SPOCK3: variants seen among roughly 807,000 people sequenced by gnomAD.
SPOCK3 encodes the protein testican-3.
In SPOCK3, 30 loss-of-function variants were observed where a neutral mutation model predicts 56.6. The observed-to-expected ratio is 0.53, with a 90% CI of 0.40 to 0.72. The LOEUF is 0.72. Ranked by LOEUF, SPOCK3 falls within the 30% of genes least tolerant of loss-of-function variation. The pLI is 0.00. For synonymous variants in SPOCK3, 196 were observed against 183.3 expected (o/e 1.07, Z -0.56); for missense variants, 527 against 530.0 (o/e 0.99, Z 0.06).
chr4:166,832,663 C>T (rs72697528), intron 6 of SPOCK3, among the ~76,000 whole-genome samples: 7,266 of 152,178 alleles, frequency 0.048, 242 homozygotes, highest in Middle Eastern at 0.065. Context: ...ACCTAGAGAT[C>T]CATCAATAGT....
intron 3 of SPOCK3, among the ~76,000 whole-genome samples, chr4:167,054,358 T>C (rs1170422276): frequency 6.6e-6 from 1 of 152,242 alleles, no homozygotes; most frequent in Non-Finnish European, 1.5e-5. Flanking sequence ...CATTGATTAA[T>C]TGTTTAAAAT....
intron 2 of SPOCK3, among the ~76,000 whole-genome samples, chr4:167,109,365 T>TATATATATTTATATAAAATATATAA (rs1355700587): frequency 1.3e-5 from 1 of 74,176 alleles, no homozygotes; most frequent in Non-Finnish European, 2.3e-5. Flanking sequence ...TATATATTTA[T>TATATATATTTATATAAAATATATAA]ATATATATTT....
At chr4:167,028,541 G>A (rs1751945492) in intron 3 of SPOCK3, among the ~76,000 whole-genome samples, 1 of 151,920 alleles carries the variant, frequency 6.6e-6, no homozygotes, top group Non-Finnish European at 1.5e-5. Context: ...TGCCATTCTT[G>A]GCAGCAAGCT....
rs568012668 is a variant in SPOCK3 at position 166,891,649 on chromosome 4, T to G, written c.475-2405A>C. On this transcript the variant is annotated intron_variant, in intron 5 of 10. Coordinates refer to ENST00000357545, the MANE Select transcript of SPOCK3 (RefSeq NM_001040159.2). ...TGTAATTTAAAAGTCCAAAATCTAT[T>G]CGAAGGTAGACATAAATAGTTAAGC... 2.0e-5 allele frequency among the ~76,000 whole-genome samples: 3 copies of G among 152,164 alleles called. No homozygotes were observed. The South Asian group carries it at 6.2e-4, about 31-fold the overall frequency.
intron 6 of SPOCK3, chr4:166,883,007 G>T (rs190892633): frequency 6.6e-6 from 1 of 152,166 alleles, no homozygotes; most frequent in Admixed American, 6.5e-5. Context: ...TAGTTACGGA[G>T]AAGCATGCAT....
At chr4:167,037,494 G>GA (rs34198420) in intron 3 of SPOCK3, among the ~76,000 whole-genome samples, 61,030 of 141,352 alleles carry the variant, frequency 0.43, 14,601 homozygotes, top group East Asian at 0.81. Flanking sequence ...AAAAGAAGAA[G>GA]AAAAAAAAAA....
intron 6 of SPOCK3, among the ~76,000 whole-genome samples, chr4:166,816,071 G>C (rs1744348495): frequency 6.6e-6 from 1 of 152,012 alleles, no homozygotes; most frequent in African/African-American, 2.4e-5. Flanking sequence ...CCTCTATTAA[G>C]ATAAAGTAAT....
At chr4:167,002,648 T>G (rs1230336699) in intron 3 of SPOCK3, among the ~76,000 whole-genome samples, 1 of 152,186 alleles carries the variant, frequency 6.6e-6, no homozygotes, top group South Asian at 2.1e-4. Context: ...TTGTTCACTA[T>G]GCAAATGTAA....
At chr4:167,158,329 T>A (rs1764986055) in intron 2 of SPOCK3, among the ~76,000 whole-genome samples, 2 of 152,002 alleles carry the variant, frequency 1.3e-5, no homozygotes, top group South Asian at 4.1e-4. Context: ...GTTTTAAACA[T>A]AATTATTTAA....
chr4:166,997,306 C>T (rs137856737), intron 4 of SPOCK3, among the ~76,000 whole-genome samples: 136 of 151,930 alleles, frequency 9.0e-4, no homozygotes, highest in African/African-American at 2.8e-3. Context: ...ACATGTATCC[C>T]GGAACTTAAA....
intron 7 of SPOCK3, among the ~76,000 whole-genome samples, chr4:166,788,389 A>G (rs1044948261): frequency 1.3e-5 from 2 of 152,156 alleles, no homozygotes; most frequent in African/African-American, 2.4e-5. Flanking sequence ...CTCAATCACT[A>G]TCTAATCTAA....
intron 3 of SPOCK3, among the ~76,000 whole-genome samples, chr4:167,058,502 G>T (rs1411820459): frequency 6.6e-6 from 1 of 152,086 alleles, no homozygotes; most frequent in Non-Finnish European, 1.5e-5. Context: ...AATAAAAGAG[G>T]ATACAAACAA....
chr4:167,003,530 T>A (rs1273961550), intron 3 of SPOCK3, among the ~76,000 whole-genome samples: 2 of 152,216 alleles, frequency 1.3e-5, no homozygotes, highest in African/African-American at 4.8e-5. Context: ...CGGATTAGAA[T>A]CAATCCTCTG....
intron 2 of SPOCK3, among the ~76,000 whole-genome samples, chr4:167,078,554 T>C (rs1180683856): frequency 6.6e-6 from 1 of 151,754 alleles, no homozygotes; most frequent in East Asian, 1.9e-4. Context: ...GTATGCATTC[T>C]GGAAAAATCA....
intron 3 of SPOCK3, among the ~76,000 whole-genome samples, chr4:167,051,358 T>G (rs909585465): frequency 2.6e-5 from 4 of 152,222 alleles, no homozygotes; most frequent in African/African-American, 9.6e-5. Context: ...CAGAGTTTTT[T>G]CAATCTTAAT....
intron 6 of SPOCK3, among the ~76,000 whole-genome samples, chr4:166,815,183 C>T (rs1175953880): frequency 6.6e-6 from 1 of 151,750 alleles, no homozygotes; most frequent in African/African-American, 2.4e-5. Context: ...AAACTAAGAT[C>T]TAACTGATGT....
At chr4:166,788,273 A>G (rs911929367) in intron 7 of SPOCK3, among the ~76,000 whole-genome samples, 4 of 152,186 alleles carry the variant, frequency 2.6e-5, no homozygotes, top group African/African-American at 9.6e-5. Context: ...CTTTATTTCA[A>G]CAGTAATTAT....
At chr4:166,958,274 C>A (rs1434116382) in intron 4 of SPOCK3, among the ~76,000 whole-genome samples, 1 of 152,168 alleles carries the variant, frequency 6.6e-6, no homozygotes, top group Non-Finnish European at 1.5e-5. Flanking sequence ...GCCTGCTCCC[C>A]CTCTGCTTTC....
chr4:166,835,473 C>T (rs1261205567), intron 6 of SPOCK3, among the ~76,000 whole-genome samples: 1 of 152,078 alleles, frequency 6.6e-6, no homozygotes, highest in African/African-American at 2.4e-5. Flanking sequence ...CAAAAAAAGG[C>T]TGAAAGGGAA....
Sources: gnomAD v4.1 joint callset for allele counts (sites outside exome capture counted in the v4.1 genomes callset) on GRCh38, gnomAD v4.1.1 for gene constraint, MANE v1.5 for transcripts, NCBI Gene and HGNC (gene_info 2026-07-23, HGNC 2026-07-21) for gene names.